The following SEMA5A variants were observed in gnomAD, a reference collection of about 807,000 sequenced individuals.
SEMA5A encodes semaphorin-5A.
Under a neutral mutation model 135.5 loss-of-function variants are expected in SEMA5A, and 55 were observed. The observed-to-expected ratio is 0.41, with a 90% confidence interval of 0.33 to 0.51. The LOEUF (loss-of-function observed/expected upper bound fraction) is 0.51, where lower values mean the gene tolerates loss of function less well. Among genes scored for constraint, SEMA5A ranks in the 20% least tolerant of loss-of-function variants. The probability of loss-of-function intolerance (pLI) is 0.37; values close to 1 mark genes in which losing one functional copy is unlikely to be tolerated. For synonymous variants in SEMA5A, 580 were observed against 546.5 expected (o/e 1.06, Z -0.85); for missense variants, 1,290 against 1,419.9 (o/e 0.91, Z 1.47).
intron 1 of SEMA5A, among the ~76,000 whole-genome samples, chr5:9,516,005 A>T (rs1481199384): frequency 6.6e-6 from 1 of 152,208 alleles, no homozygotes; most frequent in Non-Finnish European, 1.5e-5. Context: ...TTGTGAAATC[A>T]GTGCAAAAAC....
At chr5:9,340,653 G>A (rs893422067) in intron 3 of SEMA5A, among the ~76,000 whole-genome samples, 3 of 152,080 alleles carry the variant, frequency 2.0e-5, no homozygotes, top group African/African-American at 4.8e-5. Flanking sequence ...TATTGTTCAA[G>A]TTTCCTTATT....
chr5:9,485,237 C>T (rs1734632787), intron 1 of SEMA5A, among the ~76,000 whole-genome samples: 2 of 150,680 alleles, frequency 1.3e-5, no homozygotes, highest in African/African-American at 4.9e-5. Context: ...TGTCCTTCTC[C>T]CACCCCCAGG....
At chr5:9,278,491 C>T (rs982987718) in intron 5 of SEMA5A, among the ~76,000 whole-genome samples, 3 of 152,198 alleles carry the variant, frequency 2.0e-5, no homozygotes, top group Admixed American at 1.3e-4. Context: ...ATCAAGCCTG[C>T]TGCAGAAATG....
intron 16 of SEMA5A, among the ~76,000 whole-genome samples, chr5:9,074,894 A>T (rs549649458): frequency 1.3e-5 from 2 of 152,306 alleles, no homozygotes; most frequent in African/African-American, 2.4e-5. Context: ...AGCCACCCCA[A>T]ATAAACACCT....
intron 2 of SEMA5A, among the ~76,000 whole-genome samples, chr5:9,415,610 A>G (rs1260233795): frequency 6.6e-6 from 1 of 152,204 alleles, no homozygotes; most frequent in East Asian, 1.9e-4. Flanking sequence ...CTGGCGAAGT[A>G]TCAAAAGGCA....
At chr5:9,142,204 T>A (rs565176861) in intron 12 of SEMA5A, among the ~76,000 whole-genome samples, 1 of 152,144 alleles carries the variant, frequency 6.6e-6, no homozygotes, top group Non-Finnish European at 1.5e-5. Flanking sequence ...CCCACTTCGA[T>A]GGGTGGGTGA....
rs528351207 is a variant in SEMA5A, at chr5:9,392,576, T to C, written c.-77-12553A>G. Among the ~76,000 whole-genome samples the C allele has an allele frequency of 3.9e-5, 6 of 152,296 alleles. No homozygotes were observed. The South Asian group carries it at 1.2e-3, about 32-fold the overall frequency. Reference sequence around the variant, plus strand: ...TTGTCCTCAGTCATTTCAGTGATATTGGATATGTATGCTTGTGTGGGAGGA... The same window carrying C: ...TTGTCCTCAGTCATTTCAGTGATATCGGATATGTATGCTTGTGTGGGAGGA... On this transcript the variant is annotated intron_variant, in intron 2 of 22. Transcript: ENST00000382496.
intron 11 of SEMA5A, among the ~76,000 whole-genome samples, chr5:9,187,132 G>T (rs1744852272): frequency 6.6e-6 from 1 of 151,772 alleles, no homozygotes; most frequent in African/African-American, 2.4e-5. Context: ...GGGTTATTTG[G>T]CTCTTAGAGG....
chr5:9,175,961 C>T (rs971146743), intron 11 of SEMA5A, among the ~76,000 whole-genome samples: 2 of 152,212 alleles, frequency 1.3e-5, no homozygotes, highest in African/African-American at 4.8e-5. Flanking sequence ...CCCTATCATT[C>T]CCAACCCCTG....
chr5:9,048,915 C>T (rs1222734034), intron 21 of SEMA5A, among the ~76,000 whole-genome samples: 1 of 152,176 alleles, frequency 6.6e-6, no homozygotes, highest in East Asian at 1.9e-4. Flanking sequence ...ACTCACTCCA[C>T]TGACTTAGCT....
chr5:9,154,570 T>A lies in SEMA5A; in HGVS notation c.1399A>T (p.Ser467Cys). 6.2e-7 allele frequency: 1 copy of A among 1,613,596 alleles called. No individual in the cohort carries two copies. The highest frequency in any genetic ancestry group is 8.5e-7 in the Non-Finnish European group (1 of 1,179,980). The change falls in exon 12 of 23, where the codon AGC becomes TGC. Residue 467 changes from serine to cysteine, a missense_variant. Physicochemically the swap from Ser to Cys is moderately radical, Grantham distance 112. Transcript: ENST00000382496. ...AGGCCCACGAACAGGACACTCTGGC[T>A]GTGCAGGATCTGCAGGCTCCTGATG... ...EPIRSLQILH[S>C]QSVLFVGLRE...
intron 11 of SEMA5A, among the ~76,000 whole-genome samples, chr5:9,189,859 T>A (rs1745003280): frequency 6.6e-6 from 1 of 152,248 alleles, no homozygotes; most frequent in African/African-American, 2.4e-5. Context: ...GCAAATATTT[T>A]GCTGAAGGCA....
intron 16 of SEMA5A, among the ~76,000 whole-genome samples, chr5:9,071,848 T>G (rs2150083387): frequency 6.6e-6 from 1 of 152,346 alleles, no homozygotes; most frequent in Non-Finnish European, 1.5e-5. Context: ...CTTGGCCTGC[T>G]GAGACTGAAA....
chr5:9,238,327 T>C (rs1361513043), intron 5 of SEMA5A, among the ~76,000 whole-genome samples: 3 of 152,206 alleles, frequency 2.0e-5, no homozygotes, highest in Non-Finnish European at 4.4e-5. Flanking sequence ...TTATCAATAT[T>C]CATAGATAAT....
At chr5:9,085,574 G>A (rs547867168) in intron 16 of SEMA5A, among the ~76,000 whole-genome samples, 2 of 152,340 alleles carry the variant, frequency 1.3e-5, no homozygotes, top group African/African-American at 4.8e-5. Context: ...AAGAACTGGG[G>A]TTTGGGAACC....
intron 11 of SEMA5A, among the ~76,000 whole-genome samples, chr5:9,165,015 A>C (rs2150293347): frequency 6.6e-6 from 1 of 152,354 alleles, no homozygotes; most frequent in East Asian, 1.9e-4. Context: ...TTCTATCATC[A>C]TGAGTGCATG....
intron 5 of SEMA5A, among the ~76,000 whole-genome samples, chr5:9,313,163 C>T (rs998797869): frequency 4.6e-5 from 7 of 152,140 alleles, no homozygotes; most frequent in Admixed American, 1.3e-4. Flanking sequence ...ATTCAACATC[C>T]GCTTTCTCAT....
rs1227412136 is a variant in SEMA5A, at chr5:9,546,006, GGCGGGAAAGCAGCGCTCGGGA to G, written c.-618_-598del. The G allele has an allele frequency of 6.6e-6, 1 of 152,190 alleles. No individual in the cohort carries two copies. The highest frequency in any genetic ancestry group is 1.5e-5 in the Non-Finnish European group (1 of 68,088). 9.4% of individuals were successfully genotyped at this position (152,190 alleles called of 1,614,324 possible). On this transcript the variant is annotated 5_prime_UTR_variant, in exon 1 of 23. Transcript: ENST00000382496. ...GCCTGAGGCTGCGAAGCCCACCCGC[GGCGGGAAAGCAGCGCTCGGGA>G]GCGGGCTCAGGGAGAGCAGCCGCCA...
At chr5:9,295,737 T>C (rs1751304900) in intron 5 of SEMA5A, among the ~76,000 whole-genome samples, 1 of 152,108 alleles carries the variant, frequency 6.6e-6, no homozygotes, top group African/African-American at 2.4e-5. Flanking sequence ...ACTGATAAGA[T>C]TAAATGGAAT....
Sources: gnomAD v4.1 joint callset for allele counts (sites outside exome capture counted in the v4.1 genomes callset) on GRCh38, gnomAD v4.1.1 for gene constraint, MANE v1.5 for transcripts, NCBI Gene and HGNC (gene_info 2026-07-23, HGNC 2026-07-21) for gene names.